Variants in CNTLN observed in about 807,000 individuals in gnomAD.
CNTLN encodes the protein centlein, centrosomal protein.
Under a neutral mutation model 180.0 loss-of-function variants are expected in CNTLN, and 212 were observed. That is an observed-to-expected ratio of 1.18 (90% CI 1.05 to 1.32). CNTLN has a LOEUF of 1.32. CNTLN is among the 40% of genes most tolerant of loss of function. The probability of loss-of-function intolerance (pLI) is 0.00; values close to 1 mark genes in which losing one functional copy is unlikely to be tolerated. For synonymous variants in CNTLN, 722 were observed against 563.1 expected (o/e 1.28, Z -3.99); for missense variants, 2,095 against 1,610.9 (o/e 1.30, Z -5.14).
intron 8 of CNTLN, among the ~76,000 whole-genome samples, chr9:17,314,097 ACT>A (rs1819388007): frequency 6.6e-6 from 1 of 152,172 alleles, no homozygotes; most frequent in African/African-American, 2.4e-5. Context: ...AGTTTCTATT[ACT>A]TTATATTCAG....
At chr9:17,527,394 G>C in the CNTLN span, among the ~76,000 whole-genome samples, 2 of 152,164 alleles carry the variant, frequency 1.3e-5, no homozygotes, top group African/African-American at 2.4e-5. Flanking sequence ...TACTATCAGA[G>C]AATTAAATTT....
intron 13 of CNTLN, among the ~76,000 whole-genome samples, chr9:17,387,627 G>A (rs1445293429): frequency 6.6e-6 from 1 of 152,000 alleles, no homozygotes; most frequent in Non-Finnish European, 1.5e-5. Context: ...TGAAGTCACA[G>A]TATTTCTAGA....
chr9:17,399,877 C>T (rs987106505), intron 15 of CNTLN, among the ~76,000 whole-genome samples: 2 of 152,152 alleles, frequency 1.3e-5, no homozygotes, highest in South Asian at 2.1e-4. Flanking sequence ...CACTAAGTGT[C>T]CCCCAGTTTA....
At chr9:17,331,647 A>C (rs1216706375) in intron 9 of CNTLN, among the ~76,000 whole-genome samples, 1 of 151,932 alleles carries the variant, frequency 6.6e-6, no homozygotes, top group African/African-American at 2.4e-5. Context: ...TTAATAAAGG[A>C]AGTATTTAAA....
chr9:17,165,915 C>T (rs1477709467), intron 2 of CNTLN, among the ~76,000 whole-genome samples: 1 of 152,210 alleles, frequency 6.6e-6, no homozygotes, highest in African/African-American at 2.4e-5. Context: ...ACTTCCCCCA[C>T]ACTGTTAACT....
intron 6 of CNTLN, among the ~76,000 whole-genome samples, chr9:17,278,185 C>G (rs945613561): frequency 6.6e-6 from 1 of 152,052 alleles, no homozygotes; most frequent in South Asian, 2.1e-4. Flanking sequence ...TCAGTCACAG[C>G]CAGAGAACAA....
intron 24 of CNTLN, among the ~76,000 whole-genome samples, chr9:17,486,712 C>A (rs552156936): frequency 6.6e-6 from 1 of 152,012 alleles, no homozygotes; most frequent in Non-Finnish European, 1.5e-5. Flanking sequence ...GCTTTCACCC[C>A]CATATTAGCC....
At chr9:17,295,118 G>C (rs888489474) in intron 6 of CNTLN, among the ~76,000 whole-genome samples, 2 of 151,116 alleles carry the variant, frequency 1.3e-5, no homozygotes, top group African/African-American at 4.8e-5. Flanking sequence ...CTGGCTGGCC[G>C]CTCTGAGTGC....
chr9:17,254,450 C>T (rs1170952228), intron 5 of CNTLN, among the ~76,000 whole-genome samples: 2 of 150,208 alleles, frequency 1.3e-5, no homozygotes, highest in Non-Finnish European at 3.0e-5. Context: ...GGTCTTTAAT[C>T]CATTTGGAGG....
chr9:17,512,504 A>G, the CNTLN span, among the ~76,000 whole-genome samples: 1 of 152,170 alleles, frequency 6.6e-6, no homozygotes, highest in African/African-American at 2.4e-5. Flanking sequence ...ACAGTCGACT[A>G]CAAAATAGGG....
At chr9:17,143,399 C>A (rs780076682) in intron 2 of CNTLN, 23 bp downstream of exon 2, 9 of 1,561,364 alleles carry the variant, frequency 5.8e-6, no homozygotes, top group Middle Eastern at 1.7e-4. Context: ...ATTATTTTTT[C>A]ATGAGTATTT....
intron 16 of CNTLN, among the ~76,000 whole-genome samples, chr9:17,414,078 G>T (rs1201718484): frequency 6.6e-6 from 1 of 152,174 alleles, no homozygotes; most frequent in Non-Finnish European, 1.5e-5. Context: ...TTTCTGACCT[G>T]AAATTTCTCA....
chr9:17,354,074 C>T (rs1039002390), intron 12 of CNTLN, among the ~76,000 whole-genome samples: 1 of 152,230 alleles, frequency 6.6e-6, no homozygotes, highest in African/African-American at 2.4e-5. Context: ...GGACTTAGCA[C>T]CCGGGCCAGT....
chr9:17,346,916 C>T (rs6475139), intron 12 of CNTLN, among the ~76,000 whole-genome samples: 83,065 of 152,026 alleles, frequency 0.55, 23,439 homozygotes, highest in East Asian at 0.73. Context: ...TTCAGCCTTT[C>T]AACCTAATTT....
chr9:17,342,222 A>C (rs1020140113), intron 11 of CNTLN, 103 bp from the exon 12 acceptor site: 5 of 1,146,610 alleles, frequency 4.4e-6, no homozygotes, highest in Non-Finnish European at 3.7e-6. Context: ...CTCGAGTTAG[A>C]AATTTGGTCA....
In CNTLN at chr9:17,366,651, G is replaced by A. The variant is rs769492076; in HGVS notation, c.1921G>A (p.Val641Ile). The change falls in exon 13 of 26, where the codon GTA (valine) becomes ATA (isoleucine). Residue 641 changes from valine to isoleucine, a missense_variant. Coordinates refer to ENST00000380647, the MANE Select transcript of CNTLN (RefSeq NM_017738.4). ...TGAAGAAGAATTAGATGAACTTAAA[G>A]TACATATATCTATTGATAAGGCAGC... ...NLEEELDELK[V>I]HISIDKAAIQ... The A allele has an allele frequency of 7.6e-6, 12 of 1,575,056 alleles. No homozygotes were observed. Among genetic ancestry groups the A allele is most frequent in the Non-Finnish European group, 1.0e-5 (12 of 1,150,950 alleles).
intron 5 of CNTLN, among the ~76,000 whole-genome samples, chr9:17,249,423 A>C (rs1826004651): frequency 7.0e-6 from 1 of 143,092 alleles, no homozygotes; most frequent in African/African-American, 2.6e-5. Flanking sequence ...ATCTTGGCTC[A>C]CTGCAAGCTC....
chr9:17,288,837 CT>C (rs1270242972), intron 6 of CNTLN, among the ~76,000 whole-genome samples: 2 of 127,934 alleles, frequency 1.6e-5, no homozygotes, highest in East Asian at 2.1e-4. Flanking sequence ...CAACCCCTGC[CT>C]TTTTTTGTTT....
chr9:17,432,800 A>G (rs1293096890), intron 18 of CNTLN, among the ~76,000 whole-genome samples: 1 of 152,134 alleles, frequency 6.6e-6, no homozygotes, highest in African/African-American at 2.4e-5. Flanking sequence ...TGGGCAGATC[A>G]CCTGAGGTCA....
Sources: gnomAD v4.1 joint callset for allele counts (sites outside exome capture counted in the v4.1 genomes callset) on GRCh38, gnomAD v4.1.1 for gene constraint, MANE v1.5 for transcripts, NCBI Gene and HGNC (gene_info 2026-07-23, HGNC 2026-07-21) for gene names.